Variants in PTPRN2 observed in about 807,000 individuals in gnomAD.
PTPRN2 encodes protein tyrosine phosphatase receptor type N2.
Under a neutral mutation model 118.8 loss-of-function variants are expected in PTPRN2, and 74 were observed. That is an observed-to-expected ratio of 0.62 (90% CI 0.52 to 0.76). The LOEUF (loss-of-function observed/expected upper bound fraction) is 0.76. PTPRN2 is among the 30% of genes least tolerant of loss of function. The probability of loss-of-function intolerance (pLI) is 0.00; values close to 1 mark genes in which losing one functional copy is unlikely to be tolerated. For synonymous variants in PTPRN2, 641 were observed against 608.0 expected (o/e 1.05, Z -0.80); for missense variants, 1,481 against 1,394.4 (o/e 1.06, Z -0.99).
intron 2 of PTPRN2, among the ~76,000 whole-genome samples, chr7:158,451,506 T>C (rs542842602): frequency 6.6e-6 from 1 of 152,314 alleles, no homozygotes; most frequent in Admixed American, 6.5e-5. Context: ...GCACAGGAGT[T>C]GGTGTCTCCG....
At chr7:157,701,686 G>A (rs9986722) in intron 12 of PTPRN2, among the ~76,000 whole-genome samples, 9,737 of 152,252 alleles carry the variant, frequency 0.064, 451 homozygotes, top group East Asian at 0.23. Context: ...AAAGCACTGC[G>A]GTTCTAGGTA....
intron 6 of PTPRN2, among the ~76,000 whole-genome samples, chr7:158,150,722 T>C (rs759509036): frequency 5.3e-5 from 8 of 151,980 alleles, no homozygotes; most frequent in Non-Finnish European, 1.0e-4. Context: ...GTGATCATGG[T>C]GATCTGCAAA....
At chr7:157,980,235 A>G (rs1803033918) in intron 11 of PTPRN2, among the ~76,000 whole-genome samples, 1 of 152,230 alleles carries the variant, frequency 6.6e-6, no homozygotes, top group Admixed American at 6.5e-5. Flanking sequence ...TGCAAACTTC[A>G]TAGGCAGGCT....
At position 158,509,552 on chromosome 7, in the gene PTPRN2, A is replaced by G. The variant is rs952541832; in HGVS notation, c.113-19767T>C. On this transcript the variant is annotated intron_variant, in intron 1 of 22. Coordinates refer to ENST00000389418, the MANE Select transcript of PTPRN2 (RefSeq NM_002847.5). The surrounding 1 kb of genome is among the most constrained non-coding windows in gnomAD (Gnocchi z 4.4). Reference sequence around the variant, plus strand: ...TTAAAGATCAAGGTGACACAGAACCAGAGCTTAGCAGCCAAAATCAGAATA... The same window carrying G: ...TTAAAGATCAAGGTGACACAGAACCGGAGCTTAGCAGCCAAAATCAGAATA... 2.6e-5 allele frequency among the ~76,000 whole-genome samples: 4 copies of G among 152,256 alleles called. No individual in the cohort carries two copies. Among genetic ancestry groups the G allele is most frequent in the Non-Finnish European group, 5.9e-5 (4 of 68,050 alleles).
chr7:158,397,302 T>C (rs2151392948), intron 2 of PTPRN2, among the ~76,000 whole-genome samples: 1 of 152,336 alleles, frequency 6.6e-6, no homozygotes, highest in East Asian at 1.9e-4. Context: ...CCACATGAGC[T>C]GCGCCCATCC....
At chr7:157,616,172 T>C (rs1802761415) in intron 15 of PTPRN2, 1 of 155,474 alleles carries the variant, frequency 6.4e-6, no homozygotes, top group African/African-American at 2.4e-5. Flanking sequence ...CGGGTAGCCA[T>C]GCCACACCAG....
In PTPRN2 at chr7:158,045,907, C is replaced by CACT. The variant is rs1563357634; in HGVS notation, c.1723+35390_1723+35391insAGT. ...CCAGGAGCAGAACCTGCGATCCTGA[C>CACT]GTCCTGACACTGCCGTGTTCTGTCC... On this transcript the variant is annotated intron_variant, in intron 11 of 22. Coordinates refer to ENST00000389418, the MANE Select transcript of PTPRN2 (RefSeq NM_002847.5). Among the ~76,000 whole-genome samples the CACT allele has an allele frequency of 9.7e-4, 132 of 135,912 alleles. 14 individuals carry two copies. Among genetic ancestry groups the CACT allele is most frequent in the African/African-American group, 3.7e-3 (115 of 31,238 alleles). 89.2% of individuals were successfully genotyped at this position (135,912 alleles called of 152,430 possible). A position where few individuals can be genotyped will look rare whatever the true frequency, so the allele number is the denominator to read the frequency against.
At chr7:158,261,836 C>A (rs768151773) in intron 3 of PTPRN2, among the ~76,000 whole-genome samples, 1 of 152,228 alleles carries the variant, frequency 6.6e-6, no homozygotes, top group Non-Finnish European at 1.5e-5. Flanking sequence ...GTGTCTGTTG[C>A]ATTTCGAATA....
chr7:158,374,932 A>G (rs1351864765), intron 2 of PTPRN2, among the ~76,000 whole-genome samples: 1 of 152,246 alleles, frequency 6.6e-6, no homozygotes, highest in Admixed American at 6.5e-5. Context: ...TACTATATGT[A>G]ACATTTAACT....
chr7:157,818,403 G>A (rs1422114752), intron 12 of PTPRN2, among the ~76,000 whole-genome samples: 1 of 152,098 alleles, frequency 6.6e-6, no homozygotes, highest in Admixed American at 6.5e-5. Context: ...GATGGGTGGG[G>A]TCATTGGGGA....
intron 1 of PTPRN2, among the ~76,000 whole-genome samples, chr7:158,522,863 C>G (rs1824314126): frequency 6.6e-6 from 1 of 152,168 alleles, no homozygotes; most frequent in South Asian, 2.1e-4. Flanking sequence ...ACACTTGCTT[C>G]TGTGTGTGGC....
At chr7:157,608,024 G>T (rs1239896579) in intron 15 of PTPRN2, among the ~76,000 whole-genome samples, 1 of 152,094 alleles carries the variant, frequency 6.6e-6, no homozygotes, top group Non-Finnish European at 1.5e-5. Flanking sequence ...CTTCCTGATC[G>T]CATATTTGAT....
At chr7:158,192,564 T>A in intron 4 of PTPRN2, 69 bp from the exon 5 acceptor site, 2 of 1,496,068 alleles carry the variant, frequency 1.3e-6, no homozygotes, top group Non-Finnish European at 1.8e-6. Flanking sequence ...CTGTCCCCTG[T>A]GGTGCCTGGG....
chr7:158,192,421 C>T lies in PTPRN2; in HGVS notation c.455G>A (p.Arg152Gln), dbSNP rs373081454. 1.8e-5 allele frequency: 28 copies of T among 1,544,808 alleles called. 1 individual carries two copies. The highest frequency in any genetic ancestry group is 3.8e-5 in the South Asian group (3 of 79,408). The change falls in exon 5 of 23, where the codon CGA becomes CAA. Residue 152 changes from arginine to glutamine, a missense_variant. By Grantham distance (43) the Arg-to-Gln change is conservative. Transcript: ENST00000389418. ...EGGAALANALRRHLPFLEALS... is the reference protein window; with the variant it reads ...EGGAALANALQRHLPFLEALS... Reference sequence around the variant, plus strand: ...GGCCTCCAGGAAGGGCAGGTGGCGTCGGAGGGCGTTGGCCAGGGCAGCACC... The same window carrying T: ...GGCCTCCAGGAAGGGCAGGTGGCGTTGGAGGGCGTTGGCCAGGGCAGCACC...
At chr7:158,357,411 C>T (rs577687616) in intron 2 of PTPRN2, among the ~76,000 whole-genome samples, 1 of 152,332 alleles carries the variant, frequency 6.6e-6, no homozygotes, top group African/African-American at 2.4e-5. Context: ...GAGGTGCCTC[C>T]ATCACAGACA....
intron 12 of PTPRN2, chr7:157,739,059 T>A (rs1800470683): frequency 1.3e-5 from 2 of 152,234 alleles, no homozygotes; most frequent in South Asian, 4.1e-4. Flanking sequence ...GGTTTCTGCA[T>A]CAGTTTTCAT....
At chr7:157,673,167 G>A (rs1796496062) in intron 13 of PTPRN2, among the ~76,000 whole-genome samples, 1 of 152,118 alleles carries the variant, frequency 6.6e-6, no homozygotes, top group South Asian at 2.1e-4. Flanking sequence ...GGGATGACAC[G>A]TGCACGCCAC....
chr7:157,577,262 CCCCA>C (rs1800107017), intron 18 of PTPRN2, among the ~76,000 whole-genome samples: 1 of 152,182 alleles, frequency 6.6e-6, no homozygotes, highest in South Asian at 2.1e-4. Context: ...CTGATGTGAA[CCCCA>C]GCGCAGGCAC....
rs539198772 is a variant in PTPRN2, at chr7:157,670,581, C to T, written c.2001+12144G>A. 4.6e-5 allele frequency among the ~76,000 whole-genome samples: 7 copies of T among 152,280 alleles called. No homozygotes were observed. In the East Asian group the frequency reaches 1.2e-3, roughly 25 times the overall value. ...AACCCACGATGCCTGCAACCCTTCCCGTTGTCATGGGAGACCCCAGTCACA... is the reference window on the plus strand; with the variant it reads ...AACCCACGATGCCTGCAACCCTTCCTGTTGTCATGGGAGACCCCAGTCACA... On this transcript the variant is annotated intron_variant, in intron 13 of 22. Transcript: ENST00000389418.
Sources: gnomAD v4.1 joint callset for allele counts (sites outside exome capture counted in the v4.1 genomes callset) on GRCh38, gnomAD v4.1.1 for gene constraint, Gnocchi (gnomAD v3.1) non-coding constraint, MANE v1.5 for transcripts, NCBI Gene and HGNC (gene_info 2026-07-23, HGNC 2026-07-21) for gene names.